STARD13: variants seen among roughly 807,000 people sequenced by gnomAD.
STARD13 encodes StAR related lipid transfer domain containing 13.
Under a neutral mutation model 106.4 loss-of-function variants are expected in STARD13, and 62 were observed. The observed-to-expected ratio is 0.58, with a 90% confidence interval of 0.48 to 0.72. The LOEUF (loss-of-function observed/expected upper bound fraction) is 0.72, where lower values mean the gene tolerates loss of function less well. Ranked by LOEUF, STARD13 falls within the 30% of genes least tolerant of loss-of-function variation. The pLI is 0.00. For missense variants in STARD13, 1,387 were observed against 1,424.0 expected (o/e 0.97, Z 0.42); for synonymous variants, 565 against 553.0 (o/e 1.02, Z -0.31).
At chr13:33,233,199 G>T (rs376046724) in intron 1 of STARD13, among the ~76,000 whole-genome samples, 2 of 152,214 alleles carry the variant, frequency 1.3e-5, no homozygotes, top group East Asian at 1.9e-4. Flanking sequence ...CCTCGGATTG[G>T]ACTGAGAGCT....
the STARD13 span, among the ~76,000 whole-genome samples, chr13:33,466,675 A>C: frequency 1.3e-5 from 2 of 152,250 alleles, no homozygotes; most frequent in Admixed American, 1.3e-4. Flanking sequence ...ACTAACATCC[A>C]TAAAAGTTTA....
At chr13:33,214,558 A>G (rs1375877633) in intron 1 of STARD13, among the ~76,000 whole-genome samples, 1 of 152,186 alleles carries the variant, frequency 6.6e-6, no homozygotes, top group Non-Finnish European at 1.5e-5. Flanking sequence ...GCGCCGAGTG[A>G]TAAGTGCATC....
At chr13:33,448,679 A>T in the STARD13 span, among the ~76,000 whole-genome samples, 1 of 152,144 alleles carries the variant, frequency 6.6e-6, no homozygotes, top group Non-Finnish European at 1.5e-5. Flanking sequence ...AGGCACCGCC[A>T]TACTGTTTTC....
chr13:33,195,756 G>A (rs1434680631), intron 1 of STARD13, among the ~76,000 whole-genome samples: 3 of 152,142 alleles, frequency 2.0e-5, no homozygotes, highest in Non-Finnish European at 4.4e-5. Context: ...AAGGAAGATG[G>A]GAAAGATCAT....
intron 1 of STARD13, among the ~76,000 whole-genome samples, chr13:33,324,684 T>C (rs1021507192): frequency 6.6e-6 from 1 of 152,252 alleles, no homozygotes; most frequent in Non-Finnish European, 1.5e-5. Flanking sequence ...TCAATGTTAA[T>C]GAAGAGATGT....
intron 1 of STARD13, among the ~76,000 whole-genome samples, chr13:33,316,100 T>C (rs1893322738): frequency 2.0e-5 from 3 of 152,206 alleles, no homozygotes; most frequent in Admixed American, 2.0e-4. Flanking sequence ...AAAGATTACA[T>C]AAAGATCACA....
At chr13:33,505,999 C>T in the STARD13 span, among the ~76,000 whole-genome samples, 1 of 152,066 alleles carries the variant, frequency 6.6e-6, no homozygotes, top group Admixed American at 6.6e-5. Flanking sequence ...TGGGTAAAAC[C>T]GTTGGTGTCA....
the STARD13 span, among the ~76,000 whole-genome samples, chr13:33,489,732 T>C: frequency 1.3e-5 from 2 of 152,232 alleles, no homozygotes; most frequent in Non-Finnish European, 2.9e-5. Flanking sequence ...GGCTTGCATT[T>C]GAAAAGCTCA....
chr13:33,549,704 A>C, the STARD13 span, among the ~76,000 whole-genome samples: 1 of 152,184 alleles, frequency 6.6e-6, no homozygotes, highest in Non-Finnish European at 1.5e-5. Flanking sequence ...TTGCTGGTAA[A>C]AACTTACATG....
At chr13:33,410,982 C>T in the STARD13 span, among the ~76,000 whole-genome samples, 2 of 152,180 alleles carry the variant, frequency 1.3e-5, no homozygotes, top group African/African-American at 4.8e-5. Flanking sequence ...TCAAAATTTC[C>T]ATGCAAACTT....
intron 1 of STARD13, among the ~76,000 whole-genome samples, chr13:33,177,805 G>T (rs199808578): frequency 3.5e-4 from 5 of 14,128 alleles, no homozygotes; most frequent in African/African-American, 2.1e-3. Flanking sequence ...GGAAGGAAAG[G>T]AAGGAAGGAA....
At chr13:33,605,745 T>C in the STARD13 span, among the ~76,000 whole-genome samples, 1 of 152,238 alleles carries the variant, frequency 6.6e-6, no homozygotes. Context: ...TGTGTAGTTA[T>C]GTTGTTTTAC....
intron 1 of STARD13, among the ~76,000 whole-genome samples, chr13:33,209,669 A>G (rs1003241070): frequency 5.9e-5 from 9 of 152,128 alleles, no homozygotes; most frequent in Non-Finnish European, 1.3e-4. Context: ...TTGAATGACC[A>G]TATACAAGAA....
At chr13:33,268,420 T>C (rs895457734) in intron 1 of STARD13, among the ~76,000 whole-genome samples, 1 of 152,236 alleles carries the variant, frequency 6.6e-6, no homozygotes, top group South Asian at 2.1e-4. Context: ...ATGGTTAATA[T>C]CCTTTTTTGT....
intron 1 of STARD13, among the ~76,000 whole-genome samples, chr13:33,176,116 G>A (rs1035560297): frequency 3.9e-5 from 6 of 152,138 alleles, no homozygotes; most frequent in African/African-American, 1.4e-4. Context: ...CCCTCTGCAA[G>A]GCTTTCTGCA....
At chr13:33,498,461 A>G in the STARD13 span, among the ~76,000 whole-genome samples, 2 of 152,212 alleles carry the variant, frequency 1.3e-5, no homozygotes, top group Non-Finnish European at 2.9e-5. Context: ...CATTTTTGTA[A>G]TAGGCAAGAG....
At chr13:33,195,403 T>A (rs1886541230) in intron 1 of STARD13, among the ~76,000 whole-genome samples, 1 of 152,152 alleles carries the variant, frequency 6.6e-6, no homozygotes, top group South Asian at 2.1e-4. Context: ...TTCATCAAAG[T>A]CCCCGGGGAC....
intron 1 of STARD13, among the ~76,000 whole-genome samples, chr13:33,184,357 C>G (rs563613332): frequency 2.6e-5 from 4 of 152,230 alleles, no homozygotes; most frequent in African/African-American, 9.6e-5. Context: ...TGTATATGGG[C>G]ACGGCTGCTG....
intron 1 of STARD13, among the ~76,000 whole-genome samples, chr13:33,200,069 T>C (rs1003908738): frequency 6.6e-6 from 1 of 152,206 alleles, no homozygotes; most frequent in Non-Finnish European, 1.5e-5. Flanking sequence ...CAAATTCAGA[T>C]AGGATCCTCT....
Sources: allele counts gnomAD v4.1 joint callset (sites outside exome capture counted in the v4.1 genomes callset), GRCh38; gene constraint gnomAD v4.1.1; transcripts MANE v1.5; gene names NCBI Gene and HGNC (gene_info 2026-07-23, HGNC 2026-07-21).